CDH13: variants seen among roughly 807,000 people sequenced by gnomAD.
CDH13 encodes the protein cadherin 13.
CDH13 carries 24 observed loss-of-function variants against 63.8 expected under a neutral mutation model. The ratio of observed to expected loss-of-function variants is 0.38; its 90% CI spans 0.27 to 0.53. The LOEUF is 0.53. Among genes scored for constraint, CDH13 ranks in the 20% least tolerant of loss-of-function variants. The probability of loss-of-function intolerance (pLI) is 0.85; values close to 1 mark genes in which losing one functional copy is unlikely to be tolerated. For missense variants in CDH13, 1,049 were observed against 903.1 expected, an observed-to-expected ratio of 1.16 and a Z score of -2.07; for synonymous variants, 503 against 355.3, an observed-to-expected ratio of 1.42 and a Z score of -4.67.
At chr16:83,483,854 C>A (rs1306499984) in intron 6 of CDH13, among the ~76,000 whole-genome samples, 1 of 152,194 alleles carries the variant, frequency 6.6e-6, no homozygotes, top group Non-Finnish European at 1.5e-5. Flanking sequence ...GAGTGGCTGC[C>A]TAGACCACTG....
At chr16:83,515,613 A>G (rs1394344368) in intron 7 of CDH13, among the ~76,000 whole-genome samples, 4 of 152,234 alleles carry the variant, frequency 2.6e-5, no homozygotes, top group African/African-American at 9.6e-5. Context: ...AGTGTTAAAA[A>G]GCAGTGTAAA....
chr16:83,078,130 G>A (rs72796253), intron 3 of CDH13, among the ~76,000 whole-genome samples: 7,162 of 152,244 alleles, frequency 0.047, 248 homozygotes, highest in Non-Finnish European at 0.066. Flanking sequence ...TGCATGGTTC[G>A]GGGGTCAACA....
intron 10 of CDH13, among the ~76,000 whole-genome samples, chr16:83,738,452 G>T (rs888672208): frequency 2.6e-5 from 4 of 152,040 alleles, no homozygotes; most frequent in African/African-American, 7.2e-5. Flanking sequence ...TTTCTCCTCC[G>T]TATTGTCTGA....
At chr16:83,738,791 A>G (rs1911781527) in intron 10 of CDH13, among the ~76,000 whole-genome samples, 1 of 152,158 alleles carries the variant, frequency 6.6e-6, no homozygotes, top group Non-Finnish European at 1.5e-5. Flanking sequence ...CTGTAATCTC[A>G]GCTACTTGGG....
chr16:82,848,439 A>G (rs571996027), intron 1 of CDH13, among the ~76,000 whole-genome samples: 1 of 152,286 alleles, frequency 6.6e-6, no homozygotes, highest in Admixed American at 6.5e-5. Flanking sequence ...CTGTTTTTCC[A>G]ACAGTATGTG....
chr16:83,175,728 T>A (rs2038093398), intron 4 of CDH13, among the ~76,000 whole-genome samples: 2 of 152,090 alleles, frequency 1.3e-5, no homozygotes, highest in Non-Finnish European at 2.9e-5. Context: ...ACACATTAAA[T>A]TCTTTATAGA....
At chr16:83,623,307 G>A (rs990440907) in intron 8 of CDH13, among the ~76,000 whole-genome samples, 2 of 152,152 alleles carry the variant, frequency 1.3e-5, no homozygotes, top group Non-Finnish European at 1.5e-5. Flanking sequence ...CCCCAGTCAC[G>A]ATTAACGGGC....
At chr16:83,772,424 A>C (rs932506629) in intron 11 of CDH13, among the ~76,000 whole-genome samples, 1 of 152,268 alleles carries the variant, frequency 6.6e-6, no homozygotes, top group Non-Finnish European at 1.5e-5. Flanking sequence ...CATCCCAGAA[A>C]CACGATAAAT....
chr16:83,518,808 C>T (rs1293062635), intron 7 of CDH13, among the ~76,000 whole-genome samples: 2 of 152,144 alleles, frequency 1.3e-5, no homozygotes, highest in Admixed American at 6.5e-5. Flanking sequence ...CCCTGTTTTG[C>T]TCAGCACTTC....
chr16:83,766,608 T>A (rs114347615), intron 11 of CDH13, among the ~76,000 whole-genome samples: 1 of 152,164 alleles, frequency 6.6e-6, no homozygotes, highest in Non-Finnish European at 1.5e-5. Flanking sequence ...CTGGGAAGAT[T>A]TGGGACAAGT....
intron 5 of CDH13, among the ~76,000 whole-genome samples, chr16:83,306,060 G>A (rs1451373672): frequency 6.6e-6 from 1 of 152,170 alleles, no homozygotes; most frequent in Non-Finnish European, 1.5e-5. Context: ...CCCCCTAGAT[G>A]GGTGTAGATA....
At chr16:83,423,985 A>G (rs2071801459) in intron 6 of CDH13, among the ~76,000 whole-genome samples, 1 of 152,220 alleles carries the variant, frequency 6.6e-6, no homozygotes. Context: ...CACCTGGGAA[A>G]CCAGTCTAGA....
chr16:82,727,069 C>T (rs1397766713), intron 1 of CDH13, among the ~76,000 whole-genome samples: 2 of 152,156 alleles, frequency 1.3e-5, no homozygotes, highest in African/African-American at 2.4e-5. Flanking sequence ...TAGAAACTGT[C>T]ATTTGGCAAG....
chr16:83,514,926 G>A (rs2074667282), intron 7 of CDH13, among the ~76,000 whole-genome samples: 4 of 152,136 alleles, frequency 2.6e-5, no homozygotes, highest in Admixed American at 2.6e-4. Flanking sequence ...GGTTTGTGAC[G>A]TGTAGTTACT....
At position 83,516,772 on chromosome 16, in the gene CDH13, G is replaced by C. The variant is rs2074707401; in HGVS notation, c.960+30117G>C. On this transcript the variant is annotated intron_variant, in intron 7 of 13. Coordinates refer to ENST00000567109, the MANE Select transcript of CDH13 (RefSeq NM_001257.5). ...ATCATGGAATTTATAACTTAGTAGA[G>C]AAGATGTCAAAAAGATATTGCAAAT... Among the ~76,000 whole-genome samples the C allele has an allele frequency of 2.6e-5, 4 of 152,336 alleles. No individual in the cohort carries two copies. The South Asian group carries it at 8.3e-4, about 32-fold the overall frequency.
chr16:83,324,446 C>G (rs945571477), intron 5 of CDH13, among the ~76,000 whole-genome samples: 2 of 152,220 alleles, frequency 1.3e-5, no homozygotes, highest in Admixed American at 6.5e-5. Flanking sequence ...CAGTCTACTT[C>G]TTGTCTCTGT....
At chr16:83,506,478 T>C (rs2074398932) in intron 7 of CDH13, among the ~76,000 whole-genome samples, 1 of 152,220 alleles carries the variant, frequency 6.6e-6, no homozygotes, top group Non-Finnish European at 1.5e-5. Flanking sequence ...CTTTATATTG[T>C]ACCACTACGT....
At chr16:83,675,371 G>T (rs2150865742) in intron 9 of CDH13, among the ~76,000 whole-genome samples, 1 of 152,238 alleles carries the variant, frequency 6.6e-6, no homozygotes, top group East Asian at 1.9e-4. Context: ...CCCTTCCTAA[G>T]GCCAGCCTCA....
At chr16:83,018,026 AT>A (rs1368610294) in intron 2 of CDH13, among the ~76,000 whole-genome samples, 1 of 152,136 alleles carries the variant, frequency 6.6e-6, no homozygotes, top group Non-Finnish European at 1.5e-5. Context: ...TCACTCAGTA[AT>A]TTTTGCATTT....
Sources: gnomAD v4.1 joint callset for allele counts (sites outside exome capture counted in the v4.1 genomes callset) on GRCh38, gnomAD v4.1.1 for gene constraint, MANE v1.5 for transcripts, NCBI Gene and HGNC (gene_info 2026-07-23, HGNC 2026-07-21) for gene names.